The following IGSF21 variants were observed in gnomAD, a reference collection of about 807,000 sequenced individuals.
The protein encoded by IGSF21 is immunoglobin superfamily member 21.
IGSF21 carries 28 observed loss-of-function variants against 46.8 expected under a neutral mutation model. The observed-to-expected ratio is 0.60, with a 90% CI of 0.44 to 0.82. The LOEUF (loss-of-function observed/expected upper bound fraction) is 0.82, where lower values mean the gene tolerates loss of function less well. Among genes scored for constraint, IGSF21 ranks in the 40% least tolerant of loss-of-function variants. IGSF21 has a pLI of 0.00. For missense variants in IGSF21, 624 were observed against 665.5 expected (o/e 0.94, Z 0.69); for synonymous variants, 284 against 273.6 (o/e 1.04, Z -0.38).
chr1:18,376,231 C>G, intron 6 of IGSF21, 79 bp from the exon 7 acceptor site: 1 of 979,846 alleles, frequency 1.0e-6, no homozygotes, highest in Non-Finnish European at 1.7e-6. Flanking sequence ...ATGTTGATTG[C>G]TAGACTAGAA....
At chr1:18,302,879 T>C (rs750369238) in intron 3 of IGSF21, among the ~76,000 whole-genome samples, 11 of 152,180 alleles carry the variant, frequency 7.2e-5, no homozygotes, top group Non-Finnish European at 1.5e-4. Context: ...CTGAGTTCTC[T>C]ACCTACCTTC....
At chr1:18,163,912 T>C (rs1267990170) in intron 1 of IGSF21, among the ~76,000 whole-genome samples, 1 of 152,138 alleles carries the variant, frequency 6.6e-6, no homozygotes, top group Non-Finnish European at 1.5e-5. Flanking sequence ...TCCTGAAAAA[T>C]GATTTATATG....
intron 3 of IGSF21, among the ~76,000 whole-genome samples, chr1:18,316,364 C>T (rs2085543337): frequency 6.6e-6 from 1 of 152,198 alleles, no homozygotes; most frequent in Non-Finnish European, 1.5e-5. Flanking sequence ...GAGCAGTCCT[C>T]AGGGCCTTCC....
chr1:18,150,957 G>C (rs946044888), intron 1 of IGSF21, among the ~76,000 whole-genome samples: 2 of 152,130 alleles, frequency 1.3e-5, no homozygotes, highest in African/African-American at 4.8e-5. Flanking sequence ...AGTGCCATCG[G>C]GAAAAAAAGC....
chr1:18,228,596 C>T (rs1035937329), intron 2 of IGSF21, among the ~76,000 whole-genome samples: 32 of 152,142 alleles, frequency 2.1e-4, no homozygotes, highest in African/African-American at 7.0e-4. Context: ...CCTTTTCAAC[C>T]ACTGAGTGAA....
At chr1:18,212,488 G>A (rs978354046) in intron 1 of IGSF21, among the ~76,000 whole-genome samples, 1 of 152,158 alleles carries the variant, frequency 6.6e-6, no homozygotes, top group South Asian at 2.1e-4. Flanking sequence ...AGAAATAAGC[G>A]CCATGAGCCC....
chr1:18,327,518 A>C (rs1430917479), intron 3 of IGSF21, among the ~76,000 whole-genome samples: 1 of 152,212 alleles, frequency 6.6e-6, no homozygotes, highest in African/African-American at 2.4e-5. Flanking sequence ...AGGATGGGTA[A>C]GTAAATGGTG....
At chr1:18,180,313 G>T (rs546842576) in intron 1 of IGSF21, among the ~76,000 whole-genome samples, 6 of 152,300 alleles carry the variant, frequency 3.9e-5, no homozygotes, top group Admixed American at 1.3e-4. Flanking sequence ...AACCCTGAAT[G>T]AATGAATGAA....
chr1:18,269,986 G>A (rs556478918), intron 2 of IGSF21, among the ~76,000 whole-genome samples: 5 of 152,280 alleles, frequency 3.3e-5, no homozygotes, highest in South Asian at 4.1e-4. Context: ...GCCTTCTGGA[G>A]GTAACCTTCT....
Position 18,376,891 on chromosome 1 carries a change from T to G in IGSF21, c.1193T>G (p.Val398Gly). 6.2e-7 allele frequency: 1 copy of G among 1,613,024 alleles called. No homozygotes were observed. The highest frequency in any genetic ancestry group is 8.5e-7 in the Non-Finnish European group (1 of 1,179,094). The change falls in exon 8 of 10, where the codon GTG (valine) becomes GGG (glycine). Residue 398 changes from valine (V) to glycine (G), a missense_variant. By Grantham distance (109) the Val-to-Gly change is moderately radical. Transcript: ENST00000251296. ...GCTGAGTTCGACGGGAAGGAGCTGGTGCTGGAGCGGGTTCCCGCCGAGCTC... is the reference window on the plus strand; with the variant it reads ...GCTGAGTTCGACGGGAAGGAGCTGGGGCTGGAGCGGGTTCCCGCCGAGCTC... ...GSAEFDGKEL[V>G]LERVPAELNG... is the part of the protein sequence containing the mutation.
At position 18,365,563 on chromosome 1, in the gene IGSF21, G is replaced by A. The variant is rs747275892; in HGVS notation, c.881G>A (p.Ser294Asn). 16 of 1,614,030 alleles carry A rather than the reference G, an allele frequency of 9.9e-6. No individual in the cohort carries two copies. In the South Asian group the frequency reaches 1.8e-4, roughly 18 times the overall value. Residue 294 changes from serine to asparagine, a missense_variant, in exon 6 of 10, where the codon AGC (serine) becomes AAC (asparagine). Ser to Asn is a conservative substitution (Grantham distance 46). Transcript: ENST00000251296. The surrounding 1 kb of genome is among the most constrained non-coding windows in gnomAD (Gnocchi z 4.8). ...TTCCTGCGCCACAGCCGCACCCCGA[G>A]CAGTGACGGCACTGTGGAAGTACGT... ...TYFLRHSRTP[S>N]SDGTVEVRAL... is the part of the protein sequence containing the mutation.
intron 1 of IGSF21, among the ~76,000 whole-genome samples, chr1:18,147,897 G>T (rs2086484358): frequency 6.6e-6 from 1 of 152,080 alleles, no homozygotes; most frequent in South Asian, 2.1e-4. Context: ...ATTGAATCGT[G>T]GGGGTGGGTC....
At chr1:18,276,991 T>C (rs1408133445) in intron 2 of IGSF21, among the ~76,000 whole-genome samples, 4 of 152,318 alleles carry the variant, frequency 2.6e-5, no homozygotes, top group Middle Eastern at 3.4e-3. Context: ...GTTCAACAAA[T>C]GTGTAGACCT....
chr1:18,245,029 A>T (rs1031237212), intron 2 of IGSF21, among the ~76,000 whole-genome samples: 10 of 152,212 alleles, frequency 6.6e-5, no homozygotes, highest in African/African-American at 2.4e-4. Context: ...AAATATTGGT[A>T]GGGCTATACT....
chr1:18,118,031 G>A (rs984735637), intron 1 of IGSF21, among the ~76,000 whole-genome samples: 2 of 152,202 alleles, frequency 1.3e-5, no homozygotes, highest in African/African-American at 2.4e-5. Flanking sequence ...CCCTGAAATT[G>A]GGTGGGGACC....
intron 3 of IGSF21, among the ~76,000 whole-genome samples, chr1:18,315,055 G>C (rs1167014224): frequency 6.6e-6 from 1 of 152,146 alleles, no homozygotes; most frequent in African/African-American, 2.4e-5. Context: ...GCAGGGACAA[G>C]GGCCAGGCAG....
intron 1 of IGSF21, chr1:18,110,493 G>C (rs900713760): frequency 6.6e-6 from 1 of 152,294 alleles, no homozygotes; most frequent in Non-Finnish European, 1.5e-5. Context: ...GGAGCAACCC[G>C]CGCCGGCCTT....
chr1:18,167,466 T>G (rs2086690586), intron 1 of IGSF21, among the ~76,000 whole-genome samples: 1 of 152,156 alleles, frequency 6.6e-6, no homozygotes, highest in South Asian at 2.1e-4. Flanking sequence ...CTAAATTCTC[T>G]GCATGCACCC....
intron 1 of IGSF21, among the ~76,000 whole-genome samples, chr1:18,133,024 T>G (rs1570253362): frequency 6.6e-6 from 1 of 152,088 alleles, no homozygotes; most frequent in East Asian, 1.9e-4. Flanking sequence ...ATATTCATTC[T>G]CTCTCCCTCT....
Sources: allele counts gnomAD v4.1 joint callset (sites outside exome capture counted in the v4.1 genomes callset), GRCh38; gene constraint gnomAD v4.1.1; non-coding constraint Gnocchi (gnomAD v3.1); transcripts MANE v1.5; gene names NCBI Gene and HGNC (gene_info 2026-07-23, HGNC 2026-07-21).